Variants in ZNF827 observed in about 807,000 individuals in gnomAD.
ZNF827 encodes the protein zinc finger protein 827.
A neutral mutation model predicts 102.4 loss-of-function variants in ZNF827; 13 were observed. The ratio of observed to expected loss-of-function variants is 0.13; its 90% CI spans 0.08 to 0.20. The LOEUF is 0.20. Among genes scored for constraint, ZNF827 ranks in the 10% least tolerant of loss-of-function variants. ZNF827 has a pLI of 1.00. For missense variants in ZNF827, 1,103 were observed against 1,344.4 expected (o/e 0.82, Z 2.81); for synonymous variants, 523 against 536.2 (o/e 0.98, Z 0.34).
At chr4:145,769,098 C>A (rs1735852769) in intron 11 of ZNF827, among the ~76,000 whole-genome samples, 1 of 150,842 alleles carries the variant, frequency 6.6e-6, no homozygotes, top group African/African-American at 2.4e-5. Flanking sequence ...TTTTCAAATC[C>A]TTTTCCTGTC....
At position 145,885,397 on chromosome 4, in the gene ZNF827, T is replaced by G. The variant is rs1029962497; in HGVS notation, c.1747+281A>C. On this transcript the variant is annotated intron_variant, in intron 4 of 14. Transcript: ENST00000508784. ...ACCATGTGACCATTCCCCCCTACAG[T>G]AAGAACTCACCAAAGGGAAAAAAGC... Among the ~76,000 whole-genome samples, 5 of 151,776 alleles carry G rather than the reference T, an allele frequency of 3.3e-5. No individual in the cohort carries two copies. In the South Asian group the frequency reaches 1.0e-3, roughly 32 times the overall value.
intron 7 of ZNF827, among the ~76,000 whole-genome samples, chr4:145,845,608 G>A (rs1252833785): frequency 6.6e-6 from 1 of 152,126 alleles, no homozygotes; most frequent in African/African-American, 2.4e-5. Flanking sequence ...CCAGCCCCCA[G>A]TCCCAGCTGA....
At chr4:145,884,316 C>A (rs1749925939) in intron 4 of ZNF827, among the ~76,000 whole-genome samples, 1 of 152,202 alleles carries the variant, frequency 6.6e-6, no homozygotes. Context: ...AAAGACCCGA[C>A]TGAAGTGTCC....
intron 1 of ZNF827, among the ~76,000 whole-genome samples, chr4:145,936,921 G>A (rs1212188665): frequency 3.3e-5 from 5 of 151,946 alleles, no homozygotes; most frequent in Non-Finnish European, 7.4e-5. Context: ...AGTGTGGGGG[G>A]AGAGAAGAGA....
At chr4:145,764,555 G>A (rs1734994276) in intron 13 of ZNF827, 1 of 178,194 alleles carries the variant, frequency 5.6e-6, no homozygotes, top group Non-Finnish European at 1.2e-5. Flanking sequence ...CAATTTTGGA[G>A]GGTGGGGTGG....
At chr4:145,881,183 A>G (rs1180545765) in intron 4 of ZNF827, among the ~76,000 whole-genome samples, 3 of 152,278 alleles carry the variant, frequency 2.0e-5, no homozygotes, top group Admixed American at 6.5e-5. Context: ...CCCTACGTTT[A>G]TATGTGAACA....
Position 145,885,807 on chromosome 4 carries a change from C to T in ZNF827, c.1618G>A (p.Ala540Thr). The T allele has an allele frequency of 6.2e-7, 1 of 1,613,686 alleles. No individual in the cohort carries two copies. The highest frequency in any genetic ancestry group is 8.5e-7 in the Non-Finnish European group (1 of 1,179,788). Residue 540 changes from alanine to threonine, a missense_variant, in exon 4 of 15, where the codon GCT becomes ACT. Physicochemically the swap from Ala to Thr is moderately conservative, Grantham distance 58. Coordinates refer to ENST00000508784, the MANE Select transcript of ZNF827 (RefSeq NM_001306215.2). ...GTGTGGTTGGCGGGCCTGTCGGCAGCATTCAAAGTAAAGGAGGTGGGCAGG... is the reference window on the plus strand; with the variant it reads ...GTGTGGTTGGCGGGCCTGTCGGCAGTATTCAAAGTAAAGGAGGTGGGCAGG... ...NGLPTSFTLN[A>T]ADRPANHTKL...
chr4:145,809,178 C>G (rs781702106), intron 8 of ZNF827, among the ~76,000 whole-genome samples: 3 of 152,140 alleles, frequency 2.0e-5, no homozygotes, highest in Admixed American at 6.5e-5. Context: ...ATAGAAACTT[C>G]CAGAGAGAGT....
At chr4:145,920,706 CTTTG>C (rs1289088197) in intron 1 of ZNF827, among the ~76,000 whole-genome samples, 2 of 152,362 alleles carry the variant, frequency 1.3e-5, no homozygotes, top group Admixed American at 1.3e-4. Flanking sequence ...GTCTTAACTT[CTTTG>C]TTTATTCATT....
At position 145,929,575 on chromosome 4, in the gene ZNF827, C is replaced by T. The variant is rs543011711; in HGVS notation, c.43+8790G>A. Among the ~76,000 whole-genome samples the T allele has an allele frequency of 8.6e-5, 13 of 152,020 alleles. No individual in the cohort carries two copies. In the South Asian group the frequency reaches 2.7e-3, roughly 32 times the overall value. Reference sequence around the variant, plus strand: ...GCCTATGAAACAAGTATTAGTCAAGCCCTACAATAATAGCCTTGTAAAAGA... The same window carrying T: ...GCCTATGAAACAAGTATTAGTCAAGTCCTACAATAATAGCCTTGTAAAAGA... On this transcript the variant is annotated intron_variant, in intron 1 of 14. Coordinates refer to ENST00000508784, the MANE Select transcript of ZNF827 (RefSeq NM_001306215.2).
Position 145,938,336 on chromosome 4 carries a change from C to G in ZNF827, c.43+29G>C, listed in dbSNP as rs200085627. On this transcript the variant is annotated intron_variant, in intron 1 of 14. Coordinates refer to ENST00000508784, the MANE Select transcript of ZNF827 (RefSeq NM_001306215.2). ...GGAGAGGGAGGGCGAGAAAATGGCA[C>G]GAGAGGAGGTGGAGAAGGGATGACT... The G allele has an allele frequency of 1.5e-3, 2,374 of 1,613,582 alleles. 30 individuals are homozygous for G. The highest frequency in any genetic ancestry group is 5.1e-4 in the Middle Eastern group (3 of 5,934).
At chr4:145,914,490 A>C (rs1218270991) in intron 1 of ZNF827, among the ~76,000 whole-genome samples, 2 of 152,248 alleles carry the variant, frequency 1.3e-5, no homozygotes, top group Admixed American at 1.3e-4. Context: ...GATTTAGGCC[A>C]ACAGTTTTAA....
chr4:145,933,678 C>T (rs1205440944), intron 1 of ZNF827, among the ~76,000 whole-genome samples: 1 of 151,604 alleles, frequency 6.6e-6, no homozygotes, highest in South Asian at 2.1e-4. Context: ...TGTTCCCCCT[C>T]GGGAATAGGC....
At chr4:145,853,580 A>AAAACAAAC (rs988389319) in intron 5 of ZNF827, among the ~76,000 whole-genome samples, 1 of 152,224 alleles carries the variant, frequency 6.6e-6, no homozygotes, top group East Asian at 1.9e-4. Flanking sequence ...ACTCTGTCTC[A>AAAACAAAC]AAACAAACAA....
intron 8 of ZNF827, among the ~76,000 whole-genome samples, chr4:145,808,592 G>A (rs1741715091): frequency 6.6e-6 from 1 of 152,246 alleles, no homozygotes; most frequent in Non-Finnish European, 1.5e-5. Flanking sequence ...GGGAAATTAT[G>A]AAGGTAGTAG....
Position 145,761,745 on chromosome 4 carries a change from A to G in ZNF827, c.*18-147T>C, listed in dbSNP as rs897705615. 2 of 443,982 alleles carry G rather than the reference A, an allele frequency of 4.5e-6. No homozygotes were observed. The highest frequency in any genetic ancestry group is 4.2e-5 in the African/African-American group (2 of 48,134). The allele number at this position is 443,982 out of a possible 1,614,324, so 27.5% of individuals were successfully genotyped here. On this transcript the variant is annotated intron_variant, in intron 14 of 14. Transcript: ENST00000508784. The surrounding 1 kb of genome is among the most constrained non-coding windows in gnomAD (Gnocchi z 6.8). ...GCCCAGCCCAGCCCTGCCGCCTCTCAGGGGTGGAACGGCCCTTTTTGGCTC... is the reference window on the plus strand; with the variant it reads ...GCCCAGCCCAGCCCTGCCGCCTCTCGGGGGTGGAACGGCCCTTTTTGGCTC...
intron 1 of ZNF827, among the ~76,000 whole-genome samples, chr4:145,923,064 T>A (rs1753189226): frequency 2.6e-5 from 4 of 152,230 alleles, no homozygotes; most frequent in Admixed American, 2.6e-4. Flanking sequence ...TTTCCAAATG[T>A]CCAACACAAG....
chr4:145,905,264 T>G (rs554488463), intron 1 of ZNF827, among the ~76,000 whole-genome samples: 1 of 152,338 alleles, frequency 6.6e-6, no homozygotes, highest in African/African-American at 2.4e-5. Context: ...TTTTGCCATA[T>G]AGCATGCTGT....
intron 4 of ZNF827, among the ~76,000 whole-genome samples, chr4:145,875,113 A>G: frequency 6.6e-6 from 1 of 152,350 alleles, no homozygotes; most frequent in East Asian, 1.9e-4. Context: ...TTATATAGTA[A>G]TTGGGAAAAT....
Sources: gnomAD v4.1 joint callset for allele counts (sites outside exome capture counted in the v4.1 genomes callset) on GRCh38, gnomAD v4.1.1 for gene constraint, Gnocchi (gnomAD v3.1) non-coding constraint, MANE v1.5 for transcripts, NCBI Gene and HGNC (gene_info 2026-07-23, HGNC 2026-07-21) for gene names.